Variants in PDE3A observed in about 807,000 individuals in gnomAD.
PDE3A encodes the protein cGMP-inhibited 3',5'-cyclic phosphodiesterase 3A.
A neutral mutation model predicts 98.3 loss-of-function variants in PDE3A; 43 were observed. That is an observed-to-expected ratio of 0.44 (90% confidence interval 0.34 to 0.56). The LOEUF is 0.56. Ranked by LOEUF, PDE3A falls within the 20% of genes least tolerant of loss-of-function variation. The pLI, the probability that PDE3A is intolerant of heterozygous loss-of-function variation, is 0.01. For synonymous variants in PDE3A, 663 were observed against 567.9 expected, an observed-to-expected ratio of 1.17 and a Z score of -2.38; for missense variants, 1,427 against 1,440.7, an observed-to-expected ratio of 0.99 and a Z score of 0.15.
chr12:20,658,688 A>C (rs1028996975), intron 15 of PDE3A, among the ~76,000 whole-genome samples: 1 of 152,198 alleles, frequency 6.6e-6, no homozygotes, highest in Non-Finnish European at 1.5e-5. Flanking sequence ...AGAGACTAGG[A>C]GATAGGCCTG....
At chr12:20,530,178 AT>A (rs1319269497) in intron 1 of PDE3A, among the ~76,000 whole-genome samples, 1 of 152,210 alleles carries the variant, frequency 6.6e-6, no homozygotes, top group Non-Finnish European at 1.5e-5. Flanking sequence ...GGTTAATGAA[AT>A]CTGGAGAATA....
In PDE3A at chr12:20,687,233, C is replaced by T. The variant is rs965071188; in HGVS notation, c.*6962C>T. ...TTGGTTCATAGCAGTTTCCTTGTCC[C>T]TTTTCTTTTTAAAATTCCCAACTGA... On this transcript the variant is annotated 3_prime_UTR_variant, in exon 16 of 16. Transcript: ENST00000359062. Among the ~76,000 whole-genome samples, 1 of 151,906 alleles carries T rather than the reference C, an allele frequency of 6.6e-6. No individual in the cohort carries two copies. The highest frequency in any genetic ancestry group is 2.4e-5 in the African/African-American group (1 of 41,376).
At position 20,557,008 on chromosome 12, in the gene PDE3A, T is replaced by C. The variant is rs1398922292; in HGVS notation, c.1011+298T>C. 1.9e-5 allele frequency: 6 copies of C among 322,728 alleles called. No individual in the cohort carries two copies. The South Asian group carries it at 3.3e-4, about 17-fold the overall frequency. The allele number at this position is 322,728 out of a possible 1,614,324, so 20.0% of individuals were successfully genotyped here. On this transcript the variant is annotated intron_variant, in intron 2 of 15. Coordinates refer to ENST00000359062, the MANE Select transcript of PDE3A (RefSeq NM_000921.5). ...ATTTTGATCAGCAACCCACTCTCTTTATTCATTTCCTTTGACAATTTTTCC... is the reference window on the plus strand; with the variant it reads ...ATTTTGATCAGCAACCCACTCTCTTCATTCATTTCCTTTGACAATTTTTCC...
At position 20,415,876 on chromosome 12, in the gene PDE3A, G is replaced by C. The variant is rs552614878; in HGVS notation, c.960+45632G>C. Among the ~76,000 whole-genome samples the C allele has an allele frequency of 3.9e-5, 6 of 152,294 alleles. No individual in the cohort carries two copies. The East Asian group carries it at 9.7e-4, about 25-fold the overall frequency. ...AGAGGCAGTACAGGCTTCAGTGTTAGACAGAAATGGGATTCAGTCCAAACT... is the reference window on the plus strand; with the variant it reads ...AGAGGCAGTACAGGCTTCAGTGTTACACAGAAATGGGATTCAGTCCAAACT... On this transcript the variant is annotated intron_variant, in intron 1 of 15. Transcript: ENST00000359062.
chr12:20,525,958 CAAT>C (rs966985797), intron 1 of PDE3A, among the ~76,000 whole-genome samples: 4 of 152,090 alleles, frequency 2.6e-5, no homozygotes, highest in Non-Finnish European at 4.4e-5. Context: ...GAGTGAAAAA[CAAT>C]AATCACTTTT....
At chr12:20,532,802 C>A (rs2095400986) in intron 1 of PDE3A, among the ~76,000 whole-genome samples, 1 of 151,468 alleles carries the variant, frequency 6.6e-6, no homozygotes, top group Non-Finnish European at 1.5e-5. Context: ...CATTCTCCTG[C>A]CTCAGCCTCC....
chr12:20,408,836 G>A (rs1444632), intron 1 of PDE3A, among the ~76,000 whole-genome samples: 18,041 of 152,128 alleles, frequency 0.12, 2,200 homozygotes, highest in African/African-American at 0.31. Context: ...ATTAAGCTCT[G>A]TGACAACATT....
intron 1 of PDE3A, among the ~76,000 whole-genome samples, chr12:20,431,675 C>T (rs1409002269): frequency 5.9e-5 from 9 of 151,732 alleles, no homozygotes; most frequent in South Asian, 2.1e-4. Context: ...GCTATTTTGA[C>T]GTATATGTAC....
chr12:20,418,117 G>C (rs1305223015), intron 1 of PDE3A, among the ~76,000 whole-genome samples: 3 of 152,040 alleles, frequency 2.0e-5, no homozygotes, highest in Non-Finnish European at 4.4e-5. Context: ...CTCCACAACA[G>C]ACTTCTGGAA....
chr12:20,648,916 C>G (rs749162609), intron 13 of PDE3A, 25 bp downstream of exon 13: 12 of 773,580 alleles, frequency 1.6e-5, no homozygotes, highest in Non-Finnish European at 2.2e-5. Context: ...ACCCAGTTTT[C>G]TTTTCTTTTT....
At position 20,670,686 on chromosome 12, in the gene PDE3A, C is replaced by T. The variant is rs868830648; in HGVS notation, c.3185-9344C>T. Among the ~76,000 whole-genome samples, 87 of 145,490 alleles carry T rather than the reference C, an allele frequency of 6.0e-4. No individual in the cohort carries two copies. In the Middle Eastern group the frequency reaches 0.021, roughly 35 times the overall value. The stretch of plus-strand genomic sequence containing the variant: ...ACACAACATACCAGAATCTCTGGGA[C>T]GCATTCAAAGCAGTGTGTAGAGGGA... On this transcript the variant is annotated intron_variant, in intron 15 of 15. Coordinates refer to ENST00000359062, the MANE Select transcript of PDE3A (RefSeq NM_000921.5).
chr12:20,602,871 A>T (rs1179592700), intron 2 of PDE3A, among the ~76,000 whole-genome samples: 1 of 152,310 alleles, frequency 6.6e-6, no homozygotes, highest in East Asian at 1.9e-4. Context: ...TCAAGTCTAA[A>T]ATTATAAATG....
intron 1 of PDE3A, among the ~76,000 whole-genome samples, chr12:20,401,252 A>G (rs17377472): frequency 0.028 from 4,218 of 152,296 alleles, 93 homozygotes; most frequent in Admixed American, 0.06. Flanking sequence ...TAATTTATTC[A>G]TTGAACTACC....
At chr12:20,477,860 T>C (rs2120993296) in intron 1 of PDE3A, among the ~76,000 whole-genome samples, 1 of 152,276 alleles carries the variant, frequency 6.6e-6, no homozygotes, top group Non-Finnish European at 1.5e-5. Flanking sequence ...CAAAGAATGG[T>C]GCTTGAAAAG....
At chr12:20,418,662 G>A (rs887104913) in intron 1 of PDE3A, among the ~76,000 whole-genome samples, 7 of 151,712 alleles carry the variant, frequency 4.6e-5, no homozygotes, top group Admixed American at 1.3e-4. Flanking sequence ...TATCATGCCC[G>A]TGGCAACTGT....
intron 1 of PDE3A, among the ~76,000 whole-genome samples, chr12:20,403,324 T>A (rs1271749747): frequency 1.3e-5 from 2 of 152,240 alleles, no homozygotes; most frequent in African/African-American, 4.8e-5. Flanking sequence ...TACAGTTAGC[T>A]GTCCGGTGTG....
chr12:20,596,721 T>A (rs1592094095), intron 2 of PDE3A, among the ~76,000 whole-genome samples: 1 of 152,170 alleles, frequency 6.6e-6, no homozygotes, highest in East Asian at 1.9e-4. Context: ...CCTTTCCTAA[T>A]ACTTAGTTCT....
rs573750433 is a variant in PDE3A at position 20,369,068 on chromosome 12, G to A, written c.-217G>A. 2.5e-4 allele frequency among the ~76,000 whole-genome samples: 38 copies of A among 152,230 alleles called. No homozygotes were observed. The highest frequency in any genetic ancestry group is 5.0e-4 in the Non-Finnish European group (34 of 68,044). On this transcript the variant is annotated 5_prime_UTR_variant, in exon 1 of 16. Transcript: ENST00000359062. ...ACTTGAGCGTGCTAGCCTTTAACTTGAAGAAGTCTCATTGGAGCATCTAGC... is the reference window on the plus strand; with the variant it reads ...ACTTGAGCGTGCTAGCCTTTAACTTAAAGAAGTCTCATTGGAGCATCTAGC...
At chr12:20,566,191 T>C (rs1942650279) in intron 2 of PDE3A, among the ~76,000 whole-genome samples, 1 of 152,024 alleles carries the variant, frequency 6.6e-6, no homozygotes, top group African/African-American at 2.4e-5. Context: ...AACTTTGTTT[T>C]TGCTTTTTGG....
Sources: allele counts gnomAD v4.1 joint callset (sites outside exome capture counted in the v4.1 genomes callset), GRCh38; gene constraint gnomAD v4.1.1; transcripts MANE v1.5; gene names NCBI Gene and HGNC (gene_info 2026-07-23, HGNC 2026-07-21).